NOXRED1: variants seen among roughly 807,000 people sequenced by gnomAD.
NOXRED1 encodes the protein NADP-dependent oxidoreductase domain-containing protein 1.
Under a neutral mutation model 30.4 loss-of-function variants are expected in NOXRED1, and 20 were observed. The ratio of observed to expected loss-of-function variants is 0.66; its 90% CI spans 0.46 to 0.96. The LOEUF (loss-of-function observed/expected upper bound fraction) is 0.96. Ranked by LOEUF, NOXRED1 falls within the 40% of genes least tolerant of loss-of-function variation. NOXRED1 has a pLI of 0.00. For synonymous variants in NOXRED1, 155 were observed against 168.0 expected (o/e 0.92, Z 0.60); for missense variants, 374 against 428.0 (o/e 0.87, Z 1.11).
chr14:77,395,337 A>C (rs1894154523), intron 5 of NOXRED1, among the ~76,000 whole-genome samples: 1 of 151,766 alleles, frequency 6.6e-6, no homozygotes, highest in Non-Finnish European at 1.5e-5. Flanking sequence ...CAATCTCCTG[A>C]CCTTGTGATC....
intron 2 of NOXRED1, among the ~76,000 whole-genome samples, chr14:77,409,087 T>C (rs1333463680): frequency 1.3e-5 from 2 of 152,016 alleles, no homozygotes; most frequent in East Asian, 1.9e-4. Context: ...ATAAATGTCA[T>C]TGGAAAACAG....
At chr14:77,421,513 TAAG>T (rs1401056322) in intron 1 of NOXRED1, among the ~76,000 whole-genome samples, 1 of 152,234 alleles carries the variant, frequency 6.6e-6, no homozygotes, top group South Asian at 2.1e-4. Flanking sequence ...CTTGGCTTTT[TAAG>T]AAGGTTATGA....
chr14:77,394,749 T>C lies in NOXRED1; in HGVS notation c.962A>G (p.Gln321Arg). 1.9e-6 allele frequency: 3 copies of C among 1,613,692 alleles called. No homozygotes were observed. The highest frequency in any genetic ancestry group is 1.7e-6 in the Non-Finnish European group (2 of 1,179,610). ...GAGAACAGGACTACTTGAGAGATGC[T>C]GGCTAAACGGAGTTTCCTTGAGTTG... ...AVQLKETPFSQHLSSSPVLQD... is the reference protein window; with the variant it reads ...AVQLKETPFSRHLSSSPVLQD... The change falls in exon 6 of 6, where the codon CAG (glutamine) becomes CGG (arginine). Residue 321 changes from glutamine to arginine, a missense_variant. Coordinates refer to ENST00000380835, the MANE Select transcript of NOXRED1 (RefSeq NM_001113475.3).
intron 5 of NOXRED1, among the ~76,000 whole-genome samples, chr14:77,400,977 A>G (rs897361830): frequency 6.6e-6 from 1 of 152,240 alleles, no homozygotes; most frequent in South Asian, 2.1e-4. Context: ...AAGAAGACTC[A>G]ATACTATAAA....
intron 1 of NOXRED1, among the ~76,000 whole-genome samples, chr14:77,417,124 A>ATCAT (rs1351220611): frequency 1.3e-5 from 2 of 149,158 alleles, no homozygotes; most frequent in Non-Finnish European, 3.0e-5. Context: ...TATTTCTAGT[A>ATCAT]TCATTCTATT....
At chr14:77,395,262 C>A (rs961894802) in intron 5 of NOXRED1, among the ~76,000 whole-genome samples, 1 of 151,720 alleles carries the variant, frequency 6.6e-6, no homozygotes, top group African/African-American at 2.4e-5. Flanking sequence ...CCCGCCACTA[C>A]GCCCAGCCAA....
rs980347188 is a variant in NOXRED1 at position 77,415,913 on chromosome 14, C to T, written c.156-1786G>A. ...GTATTTTTAGTAGAGATGAGGTTCTCCATGTTGGCCAGGCTGGTCTCGAAC... is the reference window on the plus strand; with the variant it reads ...GTATTTTTAGTAGAGATGAGGTTCTTCATGTTGGCCAGGCTGGTCTCGAAC... On this transcript the variant is annotated intron_variant, in intron 1 of 5. Coordinates refer to ENST00000380835, the MANE Select transcript of NOXRED1 (RefSeq NM_001113475.3). Among the ~76,000 whole-genome samples, 76 of 152,014 alleles carry T rather than the reference C, an allele frequency of 5.0e-4. 1 individual carries two copies. The highest frequency in any genetic ancestry group is 1.7e-3 in the African/African-American group (71 of 41,376).
chr14:77,413,728 T>C (rs761933886), intron 2 of NOXRED1, among the ~76,000 whole-genome samples: 1 of 151,940 alleles, frequency 6.6e-6, no homozygotes, highest in Non-Finnish European at 1.5e-5. Context: ...GGAGGAGACA[T>C]GGATATAAAA....
At chr14:77,416,835 ACC>A (rs527982798) in intron 1 of NOXRED1, among the ~76,000 whole-genome samples, 7 of 148,636 alleles carry the variant, frequency 4.7e-5, no homozygotes, top group African/African-American at 1.7e-4. Context: ...CGGGGGGCTG[ACC>A]CCCCCACCTC....
At chr14:77,395,734 C>T (rs1411803309) in intron 5 of NOXRED1, among the ~76,000 whole-genome samples, 4 of 150,768 alleles carry the variant, frequency 2.7e-5, no homozygotes, top group East Asian at 2.0e-4. Flanking sequence ...CCCAGCAGGT[C>T]GAGGCTGCAG....
chr14:77,411,481 A>C (rs1894650187), intron 2 of NOXRED1, among the ~76,000 whole-genome samples: 1 of 82,666 alleles, frequency 1.2e-5, no homozygotes, highest in South Asian at 3.3e-4. Flanking sequence ...AAAAAAAAAA[A>C]AAAAAAAAAA....
Position 77,394,223 on chromosome 14 carries a change from AC to A in NOXRED1, c.*407del, listed in dbSNP as rs1894123215. 1 of 153,984 alleles carries A rather than the reference AC, an allele frequency of 6.5e-6. No individual in the cohort carries two copies. The highest frequency in any genetic ancestry group is 2.4e-5 in the African/African-American group (1 of 41,514). The allele number at this position is 153,984 out of a possible 1,614,324, so 9.5% of individuals were successfully genotyped here. A position where few individuals can be genotyped will look rare whatever the true frequency, so the allele number is the denominator to read the frequency against. On this transcript the variant is annotated 3_prime_UTR_variant, in exon 6 of 6. Coordinates refer to ENST00000380835, the MANE Select transcript of NOXRED1 (RefSeq NM_001113475.3). ...CTGTCCAAAATTGTGAGAAAATCAA[AC>A]TGTATCTTTTTCCAGCTACCTACTG...
At chr14:77,406,902 G>A (rs1174378688) in intron 3 of NOXRED1, 27 bp from the exon 4 acceptor site, 2 of 1,599,632 alleles carry the variant, frequency 1.3e-6, no homozygotes, top group East Asian at 2.3e-5. Flanking sequence ...GACAGGGAGT[G>A]CAATGCCAGG....
chr14:77,397,069 C>T (rs1208713840), intron 5 of NOXRED1, among the ~76,000 whole-genome samples: 2 of 152,218 alleles, frequency 1.3e-5, no homozygotes, highest in Non-Finnish European at 2.9e-5. Flanking sequence ...TAAGTGGACA[C>T]TTATGTTCAC....
chr14:77,412,268 T>G (rs1329228876), intron 2 of NOXRED1, among the ~76,000 whole-genome samples: 1 of 151,180 alleles, frequency 6.6e-6, no homozygotes, highest in African/African-American at 2.4e-5. Flanking sequence ...TAAAATCTAT[T>G]TTTTTACATT....
chr14:77,405,938 A>T lies in NOXRED1; in HGVS notation c.880T>A (p.Tyr294Asn). ...CTTTCCTGAGACAAATTCTTGCCAT[A>T]GGCTTTGCTGACAAAATCTGTTAAT... is the stretch of plus-strand genomic sequence containing the variant. The part of the protein sequence containing the change: ...LQLTDFVSKA[Y>N]GKNLSQERPF... The change falls in exon 5 of 6, where the codon TAT (tyrosine) becomes AAT (asparagine). Residue 294 changes from tyrosine to asparagine, a missense_variant. Tyr to Asn is a moderately radical substitution (Grantham distance 143). Transcript: ENST00000380835. 7 of 1,612,888 alleles carry T rather than the reference A, an allele frequency of 4.3e-6. No individual in the cohort carries two copies. The highest frequency in any genetic ancestry group is 5.9e-6 in the Non-Finnish European group (7 of 1,179,226).
intron 1 of NOXRED1, among the ~76,000 whole-genome samples, chr14:77,414,341 G>A (rs934805268): frequency 1.2e-4 from 18 of 151,944 alleles, no homozygotes; most frequent in African/African-American, 3.6e-4. Context: ...CACCACTCCC[G>A]GCTAATTTTT....
upstream of NOXRED1, among the ~76,000 whole-genome samples, chr14:77,425,142 T>C (rs1895092991): frequency 6.6e-6 from 1 of 152,210 alleles, no homozygotes; most frequent in African/African-American, 2.4e-5. Flanking sequence ...TCATGGTTTC[T>C]AGCTTGTCCC....
At position 77,410,071 on chromosome 14, in the gene NOXRED1, G is replaced by A. The variant is rs188402916; in HGVS notation, c.350-2426C>T. 3.4e-3 allele frequency among the ~76,000 whole-genome samples: 524 copies of A among 151,984 alleles called. 1 individual carries two copies. The highest frequency in any genetic ancestry group is 0.012 in the African/African-American group (493 of 41,446). On this transcript the variant is annotated intron_variant, in intron 2 of 5. Coordinates refer to ENST00000380835, the MANE Select transcript of NOXRED1 (RefSeq NM_001113475.3). ...AGCTGACTCAGTCTCTCAGAGTGCT[G>A]GGATTACCGGCATGAGCCACCATGC...
Sources: gnomAD v4.1 joint callset for allele counts (sites outside exome capture counted in the v4.1 genomes callset) on GRCh38, gnomAD v4.1.1 for gene constraint, MANE v1.5 for transcripts, NCBI Gene and HGNC (gene_info 2026-07-23, HGNC 2026-07-21) for gene names.